Variants in PDPR observed in about 807,000 individuals in gnomAD.
PDPR encodes pyruvate dehydrogenase phosphatase regulatory subunit.
In PDPR, 50 loss-of-function variants were observed where a neutral mutation model predicts 102.2. The ratio of observed to expected loss-of-function variants is 0.49; its 90% CI spans 0.39 to 0.62. The LOEUF is 0.62. Among genes scored for constraint, PDPR ranks in the 20% least tolerant of loss-of-function variants. The pLI is 0.00. For synonymous variants in PDPR, 259 were observed against 406.0 expected, an observed-to-expected ratio of 0.64 and a Z score of 4.35; for missense variants, 625 against 1,098.2, an observed-to-expected ratio of 0.57 and a Z score of 6.09.
intron 2 of PDPR, among the ~76,000 whole-genome samples, chr16:70,118,354 A>G (rs998843836): frequency 2.2e-4 from 34 of 152,352 alleles, no homozygotes; most frequent in African/African-American, 7.2e-4. Flanking sequence ...GGAAGAAAGG[A>G]GGTGAAATTG....
rs186340025 is a variant in PDPR, at chr16:70,137,166, C to G, written c.1190+780C>G. On this transcript the variant is annotated intron_variant, in intron 10 of 18. Transcript: ENST00000288050. ...ATGAGATCGAGACCACTCTGGCTAA[C>G]ACAGTGAAACCCCATCTCTACTAAA... 8.5e-4 allele frequency among the ~76,000 whole-genome samples: 129 copies of G among 152,302 alleles called. No homozygotes were observed. The Middle Eastern group carries it at 0.01, about 12-fold the overall frequency.
chr16:70,161,764 T>TTGAC lies in PDPR; in HGVS notation c.*4887_*4890dup, dbSNP rs1967813087. The TTGAC allele has an allele frequency of 6.6e-6, 1 of 152,460 alleles. No individual in the cohort carries two copies. The highest frequency in any genetic ancestry group is 2.1e-4 in the South Asian group (1 of 4,830). The allele number at this position is 152,460 out of a possible 1,614,324, so 9.4% of individuals were successfully genotyped here. ...AAACATGAAGAGTTGTTTATGGTTC[T>TTGAC]TGACTTCTCTGAGCAGAGTGTCTGC... is the stretch of plus-strand genomic sequence containing the variant. On this transcript the variant is annotated 3_prime_UTR_variant, in exon 19 of 19. Coordinates refer to ENST00000288050, the MANE Select transcript of PDPR (RefSeq NM_017990.5).
intron 3 of PDPR, among the ~76,000 whole-genome samples, chr16:70,122,867 A>ACACACACACACACACACACACC (rs1335568650): frequency 1.5e-3 from 221 of 150,782 alleles, no homozygotes; most frequent in Admixed American, 2.0e-3. Context: ...ACACACACAC[A>ACACACACACACACACACACACC]CCAGTTTAGA....
chr16:70,158,709 G>A lies in PDPR; in HGVS notation c.*1830G>A, dbSNP rs539657241. 3 of 153,310 alleles carry A rather than the reference G, an allele frequency of 2.0e-5. No individual in the cohort carries two copies. Among genetic ancestry groups the A allele is most frequent in the Non-Finnish European group, 4.4e-5 (3 of 68,860 alleles). The allele number at this position is 153,310 out of a possible 1,614,324, so 9.5% of individuals were successfully genotyped here. A position where few individuals can be genotyped will look rare whatever the true frequency, so the allele number is the denominator to read the frequency against. On this transcript the variant is annotated 3_prime_UTR_variant, in exon 19 of 19. Transcript: ENST00000288050. The stretch of plus-strand genomic sequence containing the variant: ...AGAGGAGGAGAGGTGTTGCCGGCTG[G>A]AGGGCCAACCAGTGAACACCAGCTG...
At chr16:70,156,411 T>G in intron 18 of PDPR, 64 bp from the exon 19 acceptor site, 1 of 1,580,512 alleles carries the variant, frequency 6.3e-7, no homozygotes. Context: ...CTTCCCACGG[T>G]GCTGCTCTCT....
rs1967423622 is a variant in PDPR, at chr16:70,158,120, AC to A, written c.*1244del. 6.5e-6 allele frequency: 1 copy of A among 152,746 alleles called. No homozygotes were observed. Among genetic ancestry groups the A allele is most frequent in the African/African-American group, 2.4e-5 (1 of 41,438 alleles). The allele number at this position is 152,746 out of a possible 1,614,324, so 9.5% of individuals were successfully genotyped here. A position where few individuals can be genotyped will look rare whatever the true frequency, so the allele number is the denominator to read the frequency against. On this transcript the variant is annotated 3_prime_UTR_variant, in exon 19 of 19. Coordinates refer to ENST00000288050, the MANE Select transcript of PDPR (RefSeq NM_017990.5). ...CCAGGCTCTTTGTTTCCCTCCACCC[AC>A]CCTTCCATATCCTCTGGAGCAGGAG... is the stretch of plus-strand genomic sequence containing the variant.
At chr16:70,155,878 C>T (rs910709296) in intron 18 of PDPR, among the ~76,000 whole-genome samples, 1 of 150,964 alleles carries the variant, frequency 6.6e-6, no homozygotes, top group Admixed American at 6.6e-5. Context: ...TCTTGGCTCA[C>T]TGCAGCCTCT....
chr16:70,127,065 C>G (rs767613366), intron 3 of PDPR, among the ~76,000 whole-genome samples, 195 bp from the exon 4 acceptor site: 20 of 152,236 alleles, frequency 1.3e-4, no homozygotes, highest in Non-Finnish European at 2.6e-4. Context: ...CCAGGCTGGT[C>G]GTAAACCCCT....
At chr16:70,129,939 T>C (rs1357774075) in intron 6 of PDPR, among the ~76,000 whole-genome samples, 6 of 152,290 alleles carry the variant, frequency 3.9e-5, no homozygotes, top group African/African-American at 9.6e-5. Context: ...TTTTCAATCT[T>C]GAACAAGGCC....
At chr16:70,114,543 G>C (rs1962432047) in intron 1 of PDPR, 103 bp downstream of exon 1, 1 of 152,232 alleles carries the variant, frequency 6.6e-6, no homozygotes, top group Non-Finnish European at 1.5e-5. Flanking sequence ...TTCGCCCGGG[G>C]GTGGTCCCCG....
At chr16:70,124,199 C>T (rs1356069581) in intron 3 of PDPR, among the ~76,000 whole-genome samples, 3 of 152,254 alleles carry the variant, frequency 2.0e-5, no homozygotes, top group South Asian at 4.1e-4. Context: ...CCCGTCTCTA[C>T]TAAAAATGCA....
At chr16:70,127,857 C>T (rs1360960438) in intron 4 of PDPR, among the ~76,000 whole-genome samples, 1 of 152,148 alleles carries the variant, frequency 6.6e-6, no homozygotes, top group East Asian at 1.9e-4. Context: ...GTGGAGTTGG[C>T]AGGAGGCTGC....
At chr16:70,146,558 G>T (rs1335162664) in intron 16 of PDPR, among the ~76,000 whole-genome samples, 1 of 122,174 alleles carries the variant, frequency 8.2e-6, no homozygotes, top group Non-Finnish European at 1.7e-5. Context: ...GGCAGAGGTC[G>T]CAGTGAGCCG....
intron 9 of PDPR, among the ~76,000 whole-genome samples, chr16:70,134,807 A>G (rs572975517): frequency 1.3e-3 from 193 of 151,884 alleles, no homozygotes; most frequent in Non-Finnish European, 3.4e-4. Context: ...AAATAATAAT[A>G]ATAATATAGT....
intron 16 of PDPR, among the ~76,000 whole-genome samples, 180 bp from the exon 17 acceptor site, chr16:70,148,284 T>G (rs1418184625): frequency 6.6e-6 from 1 of 152,238 alleles, no homozygotes; most frequent in Non-Finnish European, 1.5e-5. Context: ...TAGGCAGTGC[T>G]CCATTCTCTG....
Position 70,161,336 on chromosome 16 carries a change from TA to T in PDPR, c.*4460del, listed in dbSNP as rs1967771379. On this transcript the variant is annotated 3_prime_UTR_variant, in exon 19 of 19. Transcript: ENST00000288050. ...AGGTTTGGTCAACAGTGCTTAATAA[TA>T]AATAAGAACCTCCTGCCATTCTAAT... is the stretch of plus-strand genomic sequence containing the variant. The T allele has an allele frequency of 6.5e-6, 1 of 153,184 alleles. No individual in the cohort carries two copies. The highest frequency in any genetic ancestry group is 2.1e-4 in the South Asian group (1 of 4,830). 9.5% of individuals were successfully genotyped at this position (153,184 alleles called of 1,614,324 possible). A position where few individuals can be genotyped will look rare whatever the true frequency, so the allele number is the denominator to read the frequency against.
intron 17 of PDPR, among the ~76,000 whole-genome samples, chr16:70,151,440 G>T (rs569308539): frequency 9.8e-5 from 15 of 152,404 alleles, no homozygotes; most frequent in African/African-American, 3.4e-4. Context: ...ATCAGCGCAT[G>T]AAATTTCATC....
chr16:70,121,043 G>A (rs1963210130), intron 3 of PDPR, among the ~76,000 whole-genome samples: 1 of 148,090 alleles, frequency 6.8e-6, no homozygotes, highest in African/African-American at 2.5e-5. Context: ...TCCCACCTTG[G>A]CCTCCCAAAG....
Position 70,155,990 on chromosome 16 carries a change from A to G in PDPR, c.2236-485A>G, listed in dbSNP as rs28643429. On this transcript the variant is annotated intron_variant, in intron 18 of 18. Transcript: ENST00000288050. ...CTGCAGCCTCTGCCTCCCAGGTTCA[A>G]GTGATTTTCCTGTCTCAGCCTCCCA... Among the ~76,000 whole-genome samples, 1,081 of 152,036 alleles carry G rather than the reference A, an allele frequency of 7.1e-3. 4 individuals carry two copies. The highest frequency in any genetic ancestry group is 0.025 in the African/African-American group (1,029 of 41,304).
Sources: allele counts gnomAD v4.1 joint callset (sites outside exome capture counted in the v4.1 genomes callset), GRCh38; gene constraint gnomAD v4.1.1; transcripts MANE v1.5; gene names NCBI Gene and HGNC (gene_info 2026-07-23, HGNC 2026-07-21).